Variants in BCKDK observed in about 807,000 individuals in gnomAD.
BCKDK encodes branched-chain alpha-ketoacid dehydrogenase kinase.
Under a neutral mutation model 43.9 loss-of-function variants are expected in BCKDK, and 28 were observed. The observed-to-expected ratio is 0.64, with a 90% CI of 0.47 to 0.87. BCKDK has a LOEUF of 0.87. Ranked by LOEUF, BCKDK falls within the 40% of genes least tolerant of loss-of-function variation. The pLI is 0.00. For synonymous variants in BCKDK, 257 were observed against 234.3 expected (o/e 1.10, Z -0.88); for missense variants, 483 against 581.4 (o/e 0.83, Z 1.74).
At chr16:31,117,557 C>T (rs1041213894), downstream of BCKDK, 3 of 754,184 alleles carry the variant, frequency 4.0e-6, no homozygotes, top group African/African-American at 1.8e-5. Flanking sequence ...GCCACAGAAG[C>T]CAATCGGCTC....
chr16:31,111,990 G>T lies in BCKDK; in HGVS notation c.1057G>T (p.Asp353Tyr). ...GATCAGCCCCCTCTTTGGCCATCTG[G>T]ACATGCATAGTGGCGCCCAGTCAGG... ...PRISPLFGHL[D>Y]MHSGAQSGPM... Residue 353 changes from aspartate to tyrosine, a missense_variant, in exon 11 of 12, where the codon GAC becomes TAC. Asp to Tyr is a radical substitution (Grantham distance 160). Coordinates refer to ENST00000219794, the MANE Select transcript of BCKDK (RefSeq NM_005881.4). 1.9e-6 allele frequency: 3 copies of T among 1,614,108 alleles called. No homozygotes were observed. The highest frequency in any genetic ancestry group is 2.5e-6 in the Non-Finnish European group (3 of 1,180,020).
intron 10 of BCKDK, 106 bp downstream of exon 10, chr16:31,111,495 T>TCCCAGAA: frequency 7.9e-7 from 1 of 1,265,956 alleles, no homozygotes; most frequent in Non-Finnish European, 1.1e-6. Context: ...ATTCTGGGAC[T>TCCCAGAA]TGGTCCCTGA....
chr16:31,109,375 C>G lies in BCKDK; in HGVS notation c.152C>G (p.Thr51Ser). The change falls in exon 2 of 12, where the codon ACC becomes AGC. Residue 51 changes from threonine to serine, a missense_variant. Thr to Ser is a moderately conservative substitution (Grantham distance 58). Transcript: ENST00000219794. The surrounding 1 kb of genome is among the most constrained non-coding windows in gnomAD (Gnocchi z 5.3). Reference sequence around the variant, plus strand: ...GCTCGGGAGCGCTCCAAGACCGTCACCTCCTTTTACAACCAGTCGGCCATC... The same window carrying G: ...GCTCGGGAGCGCTCCAAGACCGTCAGCTCCTTTTACAACCAGTCGGCCATC... ...EMARERSKTV[T>S]SFYNQSAIDA... 1 of 1,608,404 alleles carries G rather than the reference C, an allele frequency of 6.2e-7. No individual in the cohort carries two copies. The highest frequency in any genetic ancestry group is 8.5e-7 in the Non-Finnish European group (1 of 1,176,504).
At position 31,109,251 on chromosome 16, in the gene BCKDK, G is replaced by A. The variant is rs1258576560; in HGVS notation, c.28G>A (p.Gly10Ser). The change falls in exon 2 of 12, where the codon GGT becomes AGT. Residue 10 changes from glycine (G) to serine (S), a missense_variant. Transcript: ENST00000219794. The surrounding 1 kb of genome is among the most constrained non-coding windows in gnomAD (Gnocchi z 5.3). ...GATCCTGGCGTCGGTGCTGAGGAGC[G>A]GTCCCGGGGGCGGGCTTCCGCTCCG... is the stretch of plus-strand genomic sequence containing the variant. MILASVLRS[G>S]PGGGLPLRPL... 1.3e-6 allele frequency: 2 copies of A among 1,537,866 alleles called. No homozygotes were observed. The highest frequency in any genetic ancestry group is 1.7e-6 in the Non-Finnish European group (2 of 1,144,508).
At position 31,109,498 on chromosome 16, in the gene BCKDK, T is replaced by A. The variant is rs377230501; in HGVS notation, c.196-13T>A. On this transcript the variant is annotated splice_polypyrimidine_tract_variant and intron_variant, in intron 2 of 11. Transcript: ENST00000219794. This position sits in a 1 kb window ranked among gnomAD's most constrained non-coding sequence, Gnocchi z 5.3. Reference sequence around the variant, plus strand: ...TTGGGGGTTCTCTGCTCAAGGCCTCTCTCCCTCTCTAGCCCTCAGTCCGCC... The same window carrying A: ...TTGGGGGTTCTCTGCTCAAGGCCTCACTCCCTCTCTAGCCCTCAGTCCGCC... 1.6e-5 allele frequency: 26 copies of A among 1,613,902 alleles called. No individual in the cohort carries two copies. The African/African-American group carries it at 3.1e-4, about 19-fold the overall frequency.
downstream of BCKDK, among the ~76,000 whole-genome samples, chr16:31,114,902 T>C (rs554251065): frequency 1.9e-4 from 29 of 151,356 alleles, no homozygotes; most frequent in Admixed American, 5.9e-4. Flanking sequence ...CCTTTCCTTT[T>C]CTTTTCCTCC....
downstream of BCKDK, among the ~76,000 whole-genome samples, chr16:31,113,473 C>T (rs943623059): frequency 3.9e-5 from 6 of 152,236 alleles, no homozygotes; most frequent in South Asian, 1.2e-3. Context: ...CCATAGGGAT[C>T]CATGGGTGAG....
downstream of BCKDK, among the ~76,000 whole-genome samples, chr16:31,116,933 G>A (rs1384902210): frequency 7.3e-5 from 9 of 123,154 alleles, no homozygotes; most frequent in Non-Finnish European, 1.4e-4. Flanking sequence ...AAAAAAGGGG[G>A]GGGGGCGGGG....
In BCKDK at chr16:31,109,037, G is replaced by T; in HGVS notation, c.-177-10G>T. 1.9e-6 allele frequency: 1 copy of T among 513,090 alleles called. No homozygotes were observed. The highest frequency in any genetic ancestry group is 3.1e-5 in the East Asian group (1 of 31,844). The allele number at this position is 513,090 out of a possible 1,614,324, so 31.8% of individuals were successfully genotyped here. ...GGATCCTTACAACTTCCTCTTCCCC[G>T]CCCCGGTAGATGGGAGCTGCTCTCC... On this transcript the variant is annotated splice_polypyrimidine_tract_variant and intron_variant, in intron 1 of 11. Transcript: ENST00000219794. The surrounding 1 kb of genome is among the most constrained non-coding windows in gnomAD (Gnocchi z 5.3).
In BCKDK at chr16:31,110,288, G is replaced by A. The variant is rs201402458; in HGVS notation, c.507G>A (p.Leu169=). 18 of 1,614,044 alleles carry A rather than the reference G, an allele frequency of 1.1e-5. No homozygotes were observed. The highest frequency in any genetic ancestry group is 1.4e-5 in the Non-Finnish European group (17 of 1,180,002). ...LDDHKDVVTL[L]AEGLRESRKH... ...ACCACAAGGATGTGGTGACCCTCTT[G>A]GCAGAGGGCCTACGTGAGAGCCGGA... The change falls in exon 6 of 12, where the codon TTG becomes TTA. Residue 169 remains leucine (L), a synonymous_variant. Coordinates refer to ENST00000219794, the MANE Select transcript of BCKDK (RefSeq NM_005881.4). This position sits in a 1 kb window ranked among gnomAD's most constrained non-coding sequence, Gnocchi z 5.4.
downstream of BCKDK, among the ~76,000 whole-genome samples, chr16:31,114,314 G>C (rs2057434720): frequency 1.2e-5 from 1 of 82,882 alleles, no homozygotes; most frequent in Non-Finnish European, 2.3e-5. Context: ...CCAGGTTCAA[G>C]CGATTCTCCT....
downstream of BCKDK, among the ~76,000 whole-genome samples, chr16:31,114,831 C>G (rs757928464): frequency 1.8e-4 from 27 of 152,250 alleles, no homozygotes; most frequent in Non-Finnish European, 3.4e-4. Context: ...CCCTGCCAAA[C>G]AGCAGATATG....
In BCKDK at chr16:31,109,179, G is replaced by A; in HGVS notation, c.-45G>A. 6.8e-7 allele frequency: 1 copy of A among 1,462,946 alleles called. No individual in the cohort carries two copies. Among genetic ancestry groups the A allele is most frequent in the African/African-American group, 1.4e-5 (1 of 71,012 alleles). The allele number at this position is 1,462,946 out of a possible 1,614,324, so 90.6% of individuals were successfully genotyped here. A position where few individuals can be genotyped will look rare whatever the true frequency, so the allele number is the denominator to read the frequency against. Reference sequence around the variant, plus strand: ...GGTCGCCTGGGTCCTCAGTCCTAGCGGATCCTCAGTCCTAGCGGCCACCGG... The same window carrying A: ...GGTCGCCTGGGTCCTCAGTCCTAGCAGATCCTCAGTCCTAGCGGCCACCGG... On this transcript the variant is annotated 5_prime_UTR_variant, in exon 2 of 12. Coordinates refer to ENST00000219794, the MANE Select transcript of BCKDK (RefSeq NM_005881.4). The surrounding 1 kb of genome is among the most constrained non-coding windows in gnomAD (Gnocchi z 5.3).
chr16:31,117,537 C>T (rs889855203), downstream of BCKDK: 4 of 609,388 alleles, frequency 6.6e-6, no homozygotes, highest in South Asian at 4.1e-5. Flanking sequence ...CTCGCGGGGC[C>T]GCGGGGACGG....
chr16:31,112,465 C>A lies in BCKDK; in HGVS notation c.*200C>A. 1 of 873,666 alleles carries A rather than the reference C, an allele frequency of 1.1e-6. No homozygotes were observed. The highest frequency in any genetic ancestry group is 1.8e-6 in the Non-Finnish European group (1 of 552,066). The allele number at this position is 873,666 out of a possible 1,614,324, so 54.1% of individuals were successfully genotyped here. A position where few individuals can be genotyped will look rare whatever the true frequency, so the allele number is the denominator to read the frequency against. On this transcript the variant is annotated 3_prime_UTR_variant, in exon 12 of 12. Transcript: ENST00000219794. The surrounding 1 kb of genome is among the most constrained non-coding windows in gnomAD (Gnocchi z 5.0). ...GCCTCCTCGCCTCCAGAACTTGGAG[C>A]AGGGAAGTGGGCACCCTGAGGCCTC...
chr16:31,114,201 T>C (rs886466732), downstream of BCKDK, among the ~76,000 whole-genome samples: 2 of 151,856 alleles, frequency 1.3e-5, no homozygotes, highest in African/African-American at 4.8e-5. Context: ...GTTTGTTTTG[T>C]TTCGTTTTGT....
At chr16:31,116,636 G>C (rs1458473571), downstream of BCKDK, among the ~76,000 whole-genome samples, 13 of 151,720 alleles carry the variant, frequency 8.6e-5, no homozygotes, top group Middle Eastern at 3.2e-3. Flanking sequence ...TGGGGCACTG[G>C]CTGGGCACGG....
downstream of BCKDK, among the ~76,000 whole-genome samples, chr16:31,113,833 T>C (rs1244023352): frequency 6.6e-6 from 1 of 152,082 alleles, no homozygotes; most frequent in South Asian, 2.1e-4. Flanking sequence ...AGAGGATTCA[T>C]GTCCACGTGA....
downstream of BCKDK, chr16:31,115,762 G>A (rs1477953968): frequency 1.3e-5 from 2 of 151,960 alleles, no homozygotes; most frequent in Non-Finnish European, 2.9e-5. Flanking sequence ...TTGAACTCCT[G>A]GCCTGAAGCG....
Sources: allele counts gnomAD v4.1 joint callset (sites outside exome capture counted in the v4.1 genomes callset), GRCh38; gene constraint gnomAD v4.1.1; non-coding constraint Gnocchi (gnomAD v3.1); transcripts MANE v1.5; gene names NCBI Gene and HGNC (gene_info 2026-07-23, HGNC 2026-07-21).